Variants in RAI1 observed in about 807,000 individuals in gnomAD.
RAI1 encodes retinoic acid induced 1.
In RAI1, 9 loss-of-function variants were observed where a neutral mutation model predicts 123.8. The ratio of observed to expected loss-of-function variants is 0.07; its 90% CI spans 0.04 to 0.13. The LOEUF is 0.13. Among genes scored for constraint, RAI1 ranks in the 10% least tolerant of loss-of-function variants. The pLI, the probability that RAI1 is intolerant of heterozygous loss-of-function variation, is 1.00. For missense variants in RAI1, 2,256 were observed against 2,545.8 expected, an observed-to-expected ratio of 0.89 and a Z score of 2.45; for synonymous variants, 1,231 against 1,127.3, an observed-to-expected ratio of 1.09 and a Z score of -1.84.
chr17:17,773,366 T>C (rs192072441), intron 2 of RAI1, among the ~76,000 whole-genome samples: 1 of 152,288 alleles, frequency 6.6e-6, no homozygotes, highest in African/African-American at 2.4e-5. Flanking sequence ...ACAAGGTTGC[T>C]TGGCGTCCCT....
intron 1 of RAI1, among the ~76,000 whole-genome samples, chr17:17,692,127 T>A (rs1021639930): frequency 6.6e-6 from 1 of 152,062 alleles, no homozygotes; most frequent in Non-Finnish European, 1.5e-5. Flanking sequence ...TCCCTTGGGG[T>A]GACACTGTCC....
At position 17,697,095 on chromosome 17, in the gene RAI1, T is replaced by C. The variant is rs558932797; in HGVS notation, c.-149+15302T>C. ...ACCTATCCCTACTGCCAGGCCTGTC[T>C]CTTCTCCCCTATTCCAGAACGGTTC... On this transcript the variant is annotated intron_variant, in intron 1 of 5. Coordinates refer to ENST00000353383, the MANE Select transcript of RAI1 (RefSeq NM_030665.4). Among the ~76,000 whole-genome samples the C allele has an allele frequency of 2.6e-5, 4 of 152,336 alleles. No homozygotes were observed. The South Asian group carries it at 8.3e-4, about 32-fold the overall frequency.
chr17:17,741,767 A>G (rs1474008473), intron 2 of RAI1, among the ~76,000 whole-genome samples: 1 of 152,266 alleles, frequency 6.6e-6, no homozygotes, highest in Admixed American at 6.5e-5. Flanking sequence ...AGTGGGGCTC[A>G]GCATGAAGGA....
At chr17:17,729,028 G>C (rs1469887363) in intron 2 of RAI1, among the ~76,000 whole-genome samples, 1 of 152,128 alleles carries the variant, frequency 6.6e-6, no homozygotes, top group Non-Finnish European at 1.5e-5. Context: ...TGGGGAGCTG[G>C]GTGACTCACT....
intron 1 of RAI1, among the ~76,000 whole-genome samples, chr17:17,700,087 C>T (rs1915166565): frequency 6.6e-6 from 1 of 152,232 alleles, no homozygotes; most frequent in Non-Finnish European, 1.5e-5. Context: ...TGGCTGCTAT[C>T]GTTGTTGAAT....
intron 1 of RAI1, among the ~76,000 whole-genome samples, chr17:17,691,073 C>T (rs950843264): frequency 3.3e-5 from 5 of 152,154 alleles, no homozygotes; most frequent in Non-Finnish European, 7.3e-5. Context: ...ATCACATGTT[C>T]TATTAGAAGG....
intron 2 of RAI1, among the ~76,000 whole-genome samples, chr17:17,770,613 G>A (rs1262094988): frequency 1.3e-5 from 2 of 150,746 alleles, no homozygotes; most frequent in East Asian, 4.0e-4. Context: ...GCCTGCCAGC[G>A]GCCAGGGAGG....
chr17:17,743,764 G>A (rs937039994), intron 2 of RAI1, among the ~76,000 whole-genome samples: 1 of 152,230 alleles, frequency 6.6e-6, no homozygotes, highest in Admixed American at 6.5e-5. Flanking sequence ...CTTAGAGGTG[G>A]CCTGGGAATC....
At chr17:17,768,765 G>A (rs1342841298) in intron 2 of RAI1, among the ~76,000 whole-genome samples, 1 of 152,258 alleles carries the variant, frequency 6.6e-6, no homozygotes, top group Non-Finnish European at 1.5e-5. Flanking sequence ...GCCTTGGAGT[G>A]CATGGGAGGG....
intron 1 of RAI1, among the ~76,000 whole-genome samples, chr17:17,709,824 AC>A (rs1226083416): frequency 6.6e-6 from 1 of 152,134 alleles, no homozygotes; most frequent in Non-Finnish European, 1.5e-5. Flanking sequence ...AATCTTGGAA[AC>A]CTGTTTTTCA....
chr17:17,713,622 C>T (rs936180180), intron 1 of RAI1, among the ~76,000 whole-genome samples: 5 of 151,572 alleles, frequency 3.3e-5, no homozygotes, highest in African/African-American at 7.3e-5. Context: ...GCCTGGGCAA[C>T]GAGAGCAAAA....
intron 2 of RAI1, among the ~76,000 whole-genome samples, chr17:17,742,309 A>G (rs565593366): frequency 3.3e-5 from 5 of 152,362 alleles, no homozygotes; most frequent in Admixed American, 6.5e-5. Flanking sequence ...AGAGGCTCCC[A>G]AGACTCACAA....
intron 4 of RAI1, among the ~76,000 whole-genome samples, chr17:17,808,373 T>C (rs2143006173): frequency 6.7e-6 from 1 of 149,648 alleles, no homozygotes; most frequent in South Asian, 2.1e-4. Flanking sequence ...TATTTTATTT[T>C]ATATTTTATT....
At position 17,794,370 on chromosome 17, in the gene RAI1, G is replaced by C; in HGVS notation, c.1422G>C (p.Glu474Asp). The change falls in exon 3 of 6, where the codon GAG (glutamate) becomes GAC (aspartate). Residue 474 changes from glutamate (E) to aspartate (D), a missense_variant. Around this residue, in one of 7 missense-constraint regions of RAI1, gnomAD observed 357 missense variants for 480.2 expected, o/e 0.74. Transcript: ENST00000353383. Reference sequence around the variant, plus strand: ...AGAACCTCGTGTCCAGGACCCCAGAGCAGCATAAAAGCCAGCACTGCAGCC... The same window carrying C: ...AGAACCTCGTGTCCAGGACCCCAGACCAGCATAAAAGCCAGCACTGCAGCC... Reference protein sequence around the residue: ...GVKNLVSRTPEQHKSQHCSPE... With the variant: ...GVKNLVSRTPDQHKSQHCSPE... 1 of 1,613,242 alleles carries C rather than the reference G, an allele frequency of 6.2e-7. No individual in the cohort carries two copies. The highest frequency in any genetic ancestry group is 2.2e-5 in the East Asian group (1 of 44,892).
chr17:17,745,886 G>C (rs918649277), intron 2 of RAI1, among the ~76,000 whole-genome samples: 1 of 152,218 alleles, frequency 6.6e-6, no homozygotes, highest in Non-Finnish European at 1.5e-5. Flanking sequence ...AGAGGGGCAG[G>C]CTTGGGCCCT....
At chr17:17,700,138 C>T (rs1915168129) in intron 1 of RAI1, among the ~76,000 whole-genome samples, 1 of 152,274 alleles carries the variant, frequency 6.6e-6, no homozygotes, top group Admixed American at 6.5e-5. Context: ...CTGTGTGTCA[C>T]ATGGCACCTC....
intron 2 of RAI1, among the ~76,000 whole-genome samples, chr17:17,752,847 C>A (rs1344434610): frequency 3.3e-5 from 5 of 151,910 alleles, no homozygotes; most frequent in Non-Finnish European, 7.3e-5. Context: ...CTCTGCCCAG[C>A]GTTTATATCT....
intron 2 of RAI1, among the ~76,000 whole-genome samples, chr17:17,750,349 A>C (rs189604671): frequency 7.2e-5 from 11 of 152,338 alleles, no homozygotes; most frequent in Admixed American, 5.9e-4. Context: ...ACAGCCCTAC[A>C]GGAGGGTATT....
intron 2 of RAI1, among the ~76,000 whole-genome samples, chr17:17,790,364 T>G (rs1330290081): frequency 4.6e-5 from 7 of 152,230 alleles, no homozygotes; most frequent in Non-Finnish European, 1.0e-4. Context: ...CCATCAGCAC[T>G]GGGCTTCTCG....
Sources: allele counts gnomAD v4.1 joint callset (sites outside exome capture counted in the v4.1 genomes callset), GRCh38; gene constraint gnomAD v4.1.1; regional missense constraint gnomAD v4.1.1; transcripts MANE v1.5; gene names NCBI Gene and HGNC (gene_info 2026-07-23, HGNC 2026-07-21).